NELL1: variants seen among roughly 807,000 people sequenced by gnomAD.
NELL1 encodes the protein neural EGFL like 1.
In NELL1, 76 loss-of-function variants were observed where a neutral mutation model predicts 107.4. That is an observed-to-expected ratio of 0.71 (90% CI 0.59 to 0.86). The LOEUF (loss-of-function observed/expected upper bound fraction) is 0.86, where lower values mean the gene tolerates loss of function less well. Among genes scored for constraint, NELL1 ranks in the 40% least tolerant of loss-of-function variants. NELL1 has a pLI of 0.00. For synonymous variants in NELL1, 353 were observed against 341.2 expected, an observed-to-expected ratio of 1.03 and a Z score of -0.38; for missense variants, 1,024 against 1,005.5, an observed-to-expected ratio of 1.02 and a Z score of -0.25.
chr11:21,251,249 T>C (rs777246295), intron 14 of NELL1, among the ~76,000 whole-genome samples: 3 of 152,112 alleles, frequency 2.0e-5, no homozygotes, highest in Non-Finnish European at 2.9e-5. Context: ...TGTATGACAG[T>C]ATGTGATGGA....
intron 17 of NELL1, among the ~76,000 whole-genome samples, chr11:21,568,204 C>A: frequency 6.6e-6 from 1 of 151,734 alleles, no homozygotes; most frequent in East Asian, 1.9e-4. Context: ...GTATTGTAGG[C>A]AATTGTAACA....
intron 16 of NELL1, among the ~76,000 whole-genome samples, chr11:21,541,418 G>A (rs201573500): frequency 6.6e-6 from 1 of 152,066 alleles, no homozygotes; most frequent in East Asian, 1.9e-4. Context: ...GAAATCCCTT[G>A]GGAAAGAAAT....
rs1590742965 is a variant in NELL1, at chr11:21,217,697, T to G, written c.1427-11635T>G. Among the ~76,000 whole-genome samples, 4 of 152,308 alleles carry G rather than the reference T, an allele frequency of 2.6e-5. No homozygotes were observed. The South Asian group carries it at 8.3e-4, about 32-fold the overall frequency. On this transcript the variant is annotated intron_variant, in intron 13 of 19. Coordinates refer to ENST00000357134, the MANE Select transcript of NELL1 (RefSeq NM_006157.5). ...GTTACTGATAGATAAAATCTGCTTG[T>G]CATGTCCTAGTCCAGTCATTGTTAC...
At chr11:21,299,074 A>G (rs1336243658) in intron 14 of NELL1, among the ~76,000 whole-genome samples, 1 of 151,984 alleles carries the variant, frequency 6.6e-6, no homozygotes, top group East Asian at 1.9e-4. Flanking sequence ...TAAAATTCAC[A>G]GGAGGAGGAA....
chr11:21,492,124 A>G lies in NELL1; in HGVS notation c.1646-42250A>G, dbSNP rs1020908994. ...CTTCTCAAAAGAAGACATTTATGCA[A>G]CCAAAAAACACATGAAAAAATGCTC... On this transcript the variant is annotated intron_variant, in intron 15 of 19. Coordinates refer to ENST00000357134, the MANE Select transcript of NELL1 (RefSeq NM_006157.5). Among the ~76,000 whole-genome samples, 6 of 152,244 alleles carry G rather than the reference A, an allele frequency of 3.9e-5. No individual in the cohort carries two copies. The East Asian group carries it at 5.8e-4, about 15-fold the overall frequency.
intron 13 of NELL1, among the ~76,000 whole-genome samples, chr11:21,228,239 AGT>A (rs1857944476): frequency 6.6e-6 from 1 of 152,174 alleles, no homozygotes; most frequent in Non-Finnish European, 1.5e-5. Context: ...TAACTTGCTG[AGT>A]GTGAGAGGAA....
At chr11:20,834,985 G>A (rs767221381) in intron 3 of NELL1, among the ~76,000 whole-genome samples, 4 of 152,156 alleles carry the variant, frequency 2.6e-5, no homozygotes, top group Non-Finnish European at 5.9e-5. Context: ...TTACCTTTCT[G>A]TTGCTTCACA....
chr11:20,831,629 G>T (rs1285123928), intron 3 of NELL1, among the ~76,000 whole-genome samples: 1 of 152,278 alleles, frequency 6.6e-6, no homozygotes, highest in Non-Finnish European at 1.5e-5. Context: ...TTTATTGACA[G>T]TGAGAGAAAG....
intron 3 of NELL1, among the ~76,000 whole-genome samples, chr11:20,842,247 G>C (rs1848635102): frequency 6.6e-6 from 1 of 152,028 alleles, no homozygotes; most frequent in African/African-American, 2.4e-5. Flanking sequence ...CATGGTGGTG[G>C]GGTGCCTGTA....
At chr11:21,158,249 G>T (rs924244837) in intron 13 of NELL1, among the ~76,000 whole-genome samples, 1 of 152,184 alleles carries the variant, frequency 6.6e-6, no homozygotes, top group East Asian at 1.9e-4. Context: ...CTACTTTTGA[G>T]ATTTTGGGGC....
chr11:20,833,094 G>A (rs1858047996), intron 3 of NELL1, among the ~76,000 whole-genome samples: 1 of 152,124 alleles, frequency 6.6e-6, no homozygotes, highest in Non-Finnish European at 1.5e-5. Context: ...TTCCAAGAGG[G>A]CCTGGCTTAG....
chr11:21,115,605 A>G (rs1467257764), intron 13 of NELL1, among the ~76,000 whole-genome samples: 1 of 151,806 alleles, frequency 6.6e-6, no homozygotes, highest in Non-Finnish European at 1.5e-5. Flanking sequence ...ATGCTATGTG[A>G]GTTTTCCTTC....
intron 3 of NELL1, among the ~76,000 whole-genome samples, chr11:20,841,935 AC>A (rs1224518184): frequency 2.0e-5 from 3 of 152,180 alleles, no homozygotes; most frequent in African/African-American, 7.2e-5. Flanking sequence ...ACTACTATTT[AC>A]TTAAAAGCTG....
intron 13 of NELL1, among the ~76,000 whole-genome samples, chr11:21,195,516 T>C (rs1857132976): frequency 7.2e-6 from 1 of 138,558 alleles, no homozygotes; most frequent in African/African-American, 2.8e-5. Context: ...GTCCAATAGA[T>C]ACATAATGCA....
chr11:20,796,802 T>C (rs902754575), intron 3 of NELL1, among the ~76,000 whole-genome samples: 6 of 152,150 alleles, frequency 3.9e-5, no homozygotes, highest in Non-Finnish European at 7.3e-5. Context: ...GTTAGTGCCC[T>C]GATAGGAGGA....
At chr11:20,824,435 A>G (rs1335078436) in intron 3 of NELL1, among the ~76,000 whole-genome samples, 1 of 151,266 alleles carries the variant, frequency 6.6e-6, no homozygotes, top group Non-Finnish European at 1.5e-5. Flanking sequence ...ACTGAGTAAC[A>G]GGCAGGGGTT....
intron 15 of NELL1, among the ~76,000 whole-genome samples, chr11:21,433,338 A>G (rs945537509): frequency 1.2e-4 from 18 of 152,118 alleles, no homozygotes; most frequent in South Asian, 2.1e-4. Context: ...TGCAATAAAC[A>G]TGGGGTTGTT....
At chr11:21,453,673 C>G (rs574839342) in intron 15 of NELL1, among the ~76,000 whole-genome samples, 1 of 152,002 alleles carries the variant, frequency 6.6e-6, no homozygotes, top group South Asian at 2.1e-4. Flanking sequence ...CTTATTGCTG[C>G]TTAAATTTTA....
At chr11:20,903,071 A>G (rs2134134892) in intron 5 of NELL1, among the ~76,000 whole-genome samples, 1 of 152,186 alleles carries the variant, frequency 6.6e-6, no homozygotes, top group Non-Finnish European at 1.5e-5. Context: ...AGTGTTTGCT[A>G]TATGTTGTTT....
Sources: allele counts gnomAD v4.1 joint callset (sites outside exome capture counted in the v4.1 genomes callset), GRCh38; gene constraint gnomAD v4.1.1; transcripts MANE v1.5; gene names NCBI Gene and HGNC (gene_info 2026-07-23, HGNC 2026-07-21).